Variants in KDM4C observed in about 807,000 individuals in gnomAD.
The protein encoded by KDM4C is lysine demethylase 4C.
In KDM4C, 81 loss-of-function variants were observed where a neutral mutation model predicts 129.3. That is an observed-to-expected ratio of 0.63 (90% CI 0.52 to 0.75). KDM4C has a LOEUF of 0.75. Ranked by LOEUF, KDM4C falls within the 30% of genes least tolerant of loss-of-function variation. The pLI is 0.00. For missense variants in KDM4C, 1,457 were observed against 1,304.0 expected, an observed-to-expected ratio of 1.12 and a Z score of -1.81; for synonymous variants, 573 against 456.1, an observed-to-expected ratio of 1.26 and a Z score of -3.26.
intron 12 of KDM4C, among the ~76,000 whole-genome samples, chr9:6,991,497 A>AT (rs1473516633): frequency 6.6e-6 from 1 of 151,714 alleles, no homozygotes; most frequent in Non-Finnish European, 1.5e-5. Context: ...TGAAGGCCTT[A>AT]TTTTTTCTGT....
intron 12 of KDM4C, among the ~76,000 whole-genome samples, chr9:7,005,402 T>C (rs1821477011): frequency 7.6e-6 from 1 of 131,130 alleles, no homozygotes; most frequent in African/African-American, 3.0e-5. Context: ...GCCGTTGCAC[T>C]CCAGCCTGGG....
At chr9:7,153,640 A>G (rs1037516152) in intron 19 of KDM4C, among the ~76,000 whole-genome samples, 4 of 152,040 alleles carry the variant, frequency 2.6e-5, no homozygotes, top group African/African-American at 7.2e-5. Flanking sequence ...GTTTCTTTCC[A>G]TTTTGTGGGA....
intron 1 of KDM4C, among the ~76,000 whole-genome samples, chr9:6,764,772 C>T (rs1286048686): frequency 6.6e-6 from 1 of 152,180 alleles, no homozygotes; most frequent in South Asian, 2.1e-4. Flanking sequence ...TCATCAAAGC[C>T]TTTGTGCTAA....
intron 15 of KDM4C, among the ~76,000 whole-genome samples, chr9:7,036,291 C>T (rs188519144): frequency 7.9e-5 from 12 of 152,230 alleles, no homozygotes; most frequent in Non-Finnish European, 1.6e-4. Context: ...AATAAGCCAG[C>T]TGGGTTTTTA....
At chr9:6,868,591 A>C (rs1328599987) in intron 5 of KDM4C, among the ~76,000 whole-genome samples, 1 of 152,160 alleles carries the variant, frequency 6.6e-6, no homozygotes, top group Non-Finnish European at 1.5e-5. Flanking sequence ...TGTAAGCCCT[A>C]ATACAATGTT....
intron 1 of KDM4C, among the ~76,000 whole-genome samples, chr9:6,763,147 C>T (rs1172499450): frequency 6.6e-6 from 1 of 152,094 alleles, no homozygotes; most frequent in Admixed American, 6.6e-5. Context: ...TTAAGGAAGC[C>T]TATCCCCCCT....
At chr9:7,077,393 A>C in intron 17 of KDM4C, 1 of 196,374 alleles carries the variant, frequency 5.1e-6, no homozygotes, top group Non-Finnish European at 9.2e-6. Context: ...CATGCTATTT[A>C]GCATTTATCT....
intron 17 of KDM4C, among the ~76,000 whole-genome samples, chr9:7,060,226 TTTC>T (rs1048488184): frequency 3.3e-5 from 5 of 151,642 alleles, no homozygotes; most frequent in Admixed American, 6.6e-5. Flanking sequence ...TTTTTTTTTT[TTTC>T]TTCTTCTTAC....
intron 1 of KDM4C, among the ~76,000 whole-genome samples, chr9:6,747,414 G>A (rs1254844928): frequency 6.6e-6 from 1 of 151,792 alleles, no homozygotes; most frequent in Non-Finnish European, 1.5e-5. Context: ...TGGGCGTGGT[G>A]GTGGGCGCCT....
intron 15 of KDM4C, among the ~76,000 whole-genome samples, chr9:7,026,366 TG>T (rs918295073): frequency 3.9e-5 from 6 of 152,088 alleles, no homozygotes; most frequent in African/African-American, 1.4e-4. Flanking sequence ...TTAGGGTAAA[TG>T]TTTTTTTTTC....
At chr9:6,979,022 A>C (rs536905897) in intron 8 of KDM4C, among the ~76,000 whole-genome samples, 1 of 152,124 alleles carries the variant, frequency 6.6e-6, no homozygotes, top group Admixed American at 6.5e-5. Context: ...GGATGTTGCA[A>C]TTGTAATCAT....
chr9:6,925,461 C>T, intron 8 of KDM4C: 1 of 656,016 alleles, frequency 1.5e-6, no homozygotes, highest in Non-Finnish European at 1.9e-6. Flanking sequence ...TTCCCCCTCT[C>T]CTCCCCTCTT....
intron 8 of KDM4C, among the ~76,000 whole-genome samples, chr9:6,936,015 T>C (rs1824715915): frequency 6.6e-6 from 1 of 152,236 alleles, no homozygotes; most frequent in Non-Finnish European, 1.5e-5. Flanking sequence ...TTATGTTTAA[T>C]ATTTCACATA....
At position 6,789,367 on chromosome 9, in the gene KDM4C, T is replaced by C. The variant is rs138490822; in HGVS notation, c.-17-3605T>C. 9.0e-3 allele frequency among the ~76,000 whole-genome samples: 1,363 copies of C among 151,632 alleles called. 15 individuals carry two copies. Among genetic ancestry groups the C allele is most frequent in the African/African-American group, 0.027 (1,135 of 41,332 alleles). ...TCCCGAATAGCTTGGCTTATAGACA[T>C]GTGCCACCACGCCTGGCTAATTTTT... On this transcript the variant is annotated intron_variant, in intron 1 of 21. Transcript: ENST00000381309.
chr9:7,013,671 C>G, intron 13 of KDM4C, 117 bp from the exon 14 acceptor site: 2 of 929,892 alleles, frequency 2.2e-6, no homozygotes, highest in South Asian at 3.5e-5. Context: ...AGGAGAACAA[C>G]AGGAAGAACA....
At chr9:6,772,907 G>C (rs1366593253) in intron 1 of KDM4C, among the ~76,000 whole-genome samples, 6 of 150,218 alleles carry the variant, frequency 4.0e-5, no homozygotes, top group Non-Finnish European at 7.4e-5. Context: ...TGTTGGCCAG[G>C]CTGGTCCCGA....
At chr9:6,915,455 G>A (rs969948750) in intron 8 of KDM4C, among the ~76,000 whole-genome samples, 1 of 152,098 alleles carries the variant, frequency 6.6e-6, no homozygotes, top group Non-Finnish European at 1.5e-5. Context: ...TTTGAGGTTC[G>A]GGGTTACATT....
chr9:6,857,177 A>G (rs1840011058), intron 5 of KDM4C, among the ~76,000 whole-genome samples: 1 of 152,156 alleles, frequency 6.6e-6, no homozygotes, highest in Non-Finnish European at 1.5e-5. Flanking sequence ...TTTCAAAGAT[A>G]GTATTGTTAC....
chr9:6,842,584 C>T (rs1837159692), intron 4 of KDM4C, among the ~76,000 whole-genome samples: 1 of 152,006 alleles, frequency 6.6e-6, no homozygotes. Context: ...GATCCGTCTG[C>T]CTTGGGCTCC....
Sources: gnomAD v4.1 joint callset for allele counts (sites outside exome capture counted in the v4.1 genomes callset) on GRCh38, gnomAD v4.1.1 for gene constraint, MANE v1.5 for transcripts, NCBI Gene and HGNC (gene_info 2026-07-23, HGNC 2026-07-21) for gene names.